The following SMAP1 variants were observed in gnomAD, a reference collection of about 807,000 sequenced individuals.
The protein encoded by SMAP1 is stromal membrane-associated protein 1.
A neutral mutation model predicts 58.5 loss-of-function variants in SMAP1; 24 were observed. The observed-to-expected ratio is 0.41, with a 90% CI of 0.30 to 0.58. The LOEUF (loss-of-function observed/expected upper bound fraction) is 0.58, where lower values mean the gene tolerates loss of function less well. Among genes scored for constraint, SMAP1 ranks in the 20% least tolerant of loss-of-function variants. The pLI is 0.29. For synonymous variants in SMAP1, 216 were observed against 196.6 expected (o/e 1.10, Z -0.82); for missense variants, 563 against 566.3 (o/e 0.99, Z 0.06).
At chr6:70,832,541 A>G (rs1770404488) in intron 6 of SMAP1, among the ~76,000 whole-genome samples, 1 of 152,134 alleles carries the variant, frequency 6.6e-6, no homozygotes, top group Non-Finnish European at 1.5e-5. Flanking sequence ...ATTCCATCTC[A>G]GTTTGTTTTG....
intron 2 of SMAP1, among the ~76,000 whole-genome samples, chr6:70,744,173 C>CTTTTTTTTTTTTTTT (rs11376216): frequency 2.8e-5 from 4 of 145,040 alleles, no homozygotes; most frequent in Non-Finnish European, 1.5e-5. Flanking sequence ...ACTCCTAATT[C>CTTTTTTTTTTTTTTT]TTTTTTTTTT....
intron 3 of SMAP1, among the ~76,000 whole-genome samples, chr6:70,761,587 A>C (rs1480564516): frequency 1.3e-5 from 2 of 152,072 alleles, no homozygotes; most frequent in African/African-American, 4.8e-5. Flanking sequence ...TATGCAAGCC[A>C]TCTTAGCCCT....
chr6:70,726,086 C>CT (rs1768772736), intron 1 of SMAP1, among the ~76,000 whole-genome samples: 1 of 152,054 alleles, frequency 6.6e-6, no homozygotes, highest in Non-Finnish European at 1.5e-5. Context: ...TCCATTTTTT[C>CT]TTTATGTTTT....
chr6:70,857,030 G>C lies in SMAP1; in HGVS notation c.961G>C (p.Gly321Arg), dbSNP rs1281798187. 1.9e-6 allele frequency: 3 copies of C among 1,595,328 alleles called. No individual in the cohort carries two copies. Among genetic ancestry groups the C allele is most frequent in the African/African-American group, 2.7e-5 (2 of 74,226 alleles). The change falls in exon 9 of 11, where the codon GGT (glycine) becomes CGT (arginine). Residue 321 changes from glycine to arginine, a missense_variant and splice_region_variant. Coordinates refer to ENST00000370455, the MANE Select transcript of SMAP1 (RefSeq NM_001044305.3). ...AACCATTCAACAGCAAAGTACTCCT[G>C]GTAATGAATTTTGATATCTGCTTTC... ...TGTIQQQSTPGVFMGPTNIPF... is the reference protein window; with the variant it reads ...TGTIQQQSTPRVFMGPTNIPF...
chr6:70,861,619 A>G lies in SMAP1; in HGVS notation c.*1285A>G. On this transcript the variant is annotated 3_prime_UTR_variant, in exon 11 of 11. Transcript: ENST00000370455. ...CTAAACTCCAAACATCCTCTTCCATATGGATCCACTGGCTGGACAAACTGC... is the reference window on the plus strand; with the variant it reads ...CTAAACTCCAAACATCCTCTTCCATGTGGATCCACTGGCTGGACAAACTGC... 3 of 1,559,366 alleles carry G rather than the reference A, an allele frequency of 1.9e-6. No individual in the cohort carries two copies. Among genetic ancestry groups the G allele is most frequent in the South Asian group, 1.1e-5 (1 of 88,500 alleles).
intron 7 of SMAP1, among the ~76,000 whole-genome samples, chr6:70,838,087 T>C (rs929558853): frequency 2.6e-5 from 4 of 152,130 alleles, no homozygotes; most frequent in Non-Finnish European, 4.4e-5. Flanking sequence ...TGTTGAATTG[T>C]AGTCCTCATA....
At chr6:70,778,644 T>G (rs1052970491) in intron 4 of SMAP1, among the ~76,000 whole-genome samples, 2 of 152,186 alleles carry the variant, frequency 1.3e-5, no homozygotes, top group Non-Finnish European at 2.9e-5. Flanking sequence ...TTGGGTCATG[T>G]GGGCGGTGGT....
At chr6:70,770,482 G>A (rs189314806) in intron 3 of SMAP1, among the ~76,000 whole-genome samples, 8 of 151,856 alleles carry the variant, frequency 5.3e-5, no homozygotes, top group Non-Finnish European at 7.4e-5. Context: ...TTCCCTTCTC[G>A]CTTCATTTCA....
intron 1 of SMAP1, among the ~76,000 whole-genome samples, chr6:70,708,230 T>G (rs1378876001): frequency 6.6e-6 from 1 of 152,218 alleles, no homozygotes; most frequent in Non-Finnish European, 1.5e-5. Context: ...TTTCTTTCTA[T>G]ATCTGGCTTA....
At chr6:70,834,372 A>C (rs973550005) in intron 6 of SMAP1, among the ~76,000 whole-genome samples, 1 of 19,270 alleles carries the variant, frequency 5.2e-5, no homozygotes, top group African/African-American at 1.4e-4. Flanking sequence ...AAAATACACC[A>C]AAAAAAAAAA....
Position 70,668,006 on chromosome 6 carries a change from C to G in SMAP1, c.-18C>G, listed in dbSNP as rs776416575. 2 of 1,574,592 alleles carry G rather than the reference C, an allele frequency of 1.3e-6. No individual in the cohort carries two copies. Among genetic ancestry groups the G allele is most frequent in the South Asian group, 2.3e-5 (2 of 87,126 alleles). ...GCCGCCGCCGTAGCTGCCCCAGGCT[C>G]CCCGCCCCGCTGCCGAGATGGCGAC... On this transcript the variant is annotated 5_prime_UTR_variant, in exon 1 of 11. Coordinates refer to ENST00000370455, the MANE Select transcript of SMAP1 (RefSeq NM_001044305.3).
chr6:70,729,311 C>T (rs980799208), intron 1 of SMAP1, among the ~76,000 whole-genome samples: 3 of 151,598 alleles, frequency 2.0e-5, no homozygotes, highest in East Asian at 1.9e-4. Context: ...AAGTGGCGGG[C>T]GCCTGTAGTC....
intron 3 of SMAP1, among the ~76,000 whole-genome samples, chr6:70,760,262 T>C (rs1766694140): frequency 6.6e-6 from 1 of 152,164 alleles, no homozygotes; most frequent in African/African-American, 2.4e-5. Flanking sequence ...ATATTTGCTG[T>C]TGTTACCTCA....
chr6:70,704,490 A>G (rs1219126539), intron 1 of SMAP1, among the ~76,000 whole-genome samples: 3 of 152,168 alleles, frequency 2.0e-5, no homozygotes, highest in African/African-American at 4.8e-5. Flanking sequence ...TTCTGCAGCA[A>G]GTTATTTAAA....
intron 1 of SMAP1, among the ~76,000 whole-genome samples, chr6:70,727,640 A>G (rs1765239484): frequency 6.6e-6 from 1 of 152,194 alleles, no homozygotes; most frequent in Non-Finnish European, 1.5e-5. Context: ...TTTAAATTGG[A>G]TCTAGAAAAC....
chr6:70,707,272 C>G (rs898077012), intron 1 of SMAP1, among the ~76,000 whole-genome samples: 11 of 152,098 alleles, frequency 7.2e-5, no homozygotes, highest in Non-Finnish European at 1.3e-4. Context: ...CATTCTTTCT[C>G]TTTTCATGAA....
chr6:70,686,916 G>C (rs745323607), intron 1 of SMAP1, among the ~76,000 whole-genome samples: 6 of 152,168 alleles, frequency 3.9e-5, no homozygotes, highest in Non-Finnish European at 7.4e-5. Context: ...TGCCCAAAAT[G>C]CCAGTAGTGC....
At chr6:70,838,751 G>A (rs1770696816) in intron 7 of SMAP1, among the ~76,000 whole-genome samples, 1 of 151,996 alleles carries the variant, frequency 6.6e-6, no homozygotes, top group African/African-American at 2.4e-5. Context: ...GGGTAGGGAG[G>A]GGGCAAGCTG....
intron 3 of SMAP1, among the ~76,000 whole-genome samples, chr6:70,765,029 C>T (rs369842252): frequency 5.3e-4 from 80 of 152,248 alleles, no homozygotes; most frequent in African/African-American, 1.9e-3. Flanking sequence ...TTGAGCTCCT[C>T]GGCTCAAGCG....
Sources: allele counts gnomAD v4.1 joint callset (sites outside exome capture counted in the v4.1 genomes callset), GRCh38; gene constraint gnomAD v4.1.1; transcripts MANE v1.5; gene names NCBI Gene and HGNC (gene_info 2026-07-23, HGNC 2026-07-21).